The following CFAP20DC variants were observed in gnomAD, a reference collection of about 807,000 sequenced individuals.
The protein encoded by CFAP20DC is protein CFAP20DC.
In CFAP20DC, 84 loss-of-function variants were observed where a neutral mutation model predicts 101.7. The ratio of observed to expected loss-of-function variants is 0.83; its 90% CI spans 0.69 to 0.99. The LOEUF is 0.99. Among genes scored for constraint, CFAP20DC ranks in the 50% least tolerant of loss-of-function variants. The probability of loss-of-function intolerance (pLI) is 0.00; values close to 1 mark genes in which losing one functional copy is unlikely to be tolerated. For missense variants in CFAP20DC, 1,007 were observed against 970.3 expected (o/e 1.04, Z -0.50); for synonymous variants, 359 against 351.2 (o/e 1.02, Z -0.25).
In CFAP20DC at chr3:58,913,490, C is replaced by A; in HGVS notation, c.550+218G>T. The stretch of plus-strand genomic sequence containing the variant: ...GTGTTACCATAAAGAAAAAAGAAAA[C>A]AACCACAAAAAGAAGATTAATACCT... On this transcript the variant is annotated intron_variant, in intron 6 of 16. Transcript: ENST00000482387. The surrounding 1 kb of genome is among the most constrained non-coding windows in gnomAD (Gnocchi z 4.4). 1 of 607,570 alleles carries A rather than the reference C, an allele frequency of 1.6e-6. No homozygotes were observed. Among genetic ancestry groups the A allele is most frequent in the East Asian group, 2.7e-5 (1 of 36,448 alleles). 37.6% of individuals were successfully genotyped at this position (607,570 alleles called of 1,614,324 possible). A position where few individuals can be genotyped will look rare whatever the true frequency, so the allele number is the denominator to read the frequency against.
At chr3:58,929,540 T>G (rs571158355) in intron 5 of CFAP20DC, among the ~76,000 whole-genome samples, 1 of 152,352 alleles carries the variant, frequency 6.6e-6, no homozygotes, top group South Asian at 2.1e-4. Flanking sequence ...ATGGTTTAAC[T>G]TCAATAACTG....
chr3:58,788,268 G>T lies in CFAP20DC; in HGVS notation c.2237+18127C>A, dbSNP rs1437908654. On this transcript the variant is annotated intron_variant, in intron 15 of 16. Transcript: ENST00000482387. This position sits in a 1 kb window ranked among gnomAD's most constrained non-coding sequence, Gnocchi z 4.2. ...AGGGAACCACAGCATGGTTGATTTG[G>T]GGCCGTCTATTGGAGATGGATGTTT... Among the ~76,000 whole-genome samples, 1 of 151,980 alleles carries T rather than the reference G, an allele frequency of 6.6e-6. No individual in the cohort carries two copies. The highest frequency in any genetic ancestry group is 2.1e-4 in the South Asian group (1 of 4,826).
chr3:58,809,249 A>AT (rs1446977502), intron 14 of CFAP20DC, among the ~76,000 whole-genome samples: 6 of 152,054 alleles, frequency 3.9e-5, no homozygotes, highest in Middle Eastern at 3.4e-3. Flanking sequence ...CAGAATATAC[A>AT]TTTTTTTCAG....
intron 4 of CFAP20DC, among the ~76,000 whole-genome samples, chr3:59,008,985 A>G (rs537814542): frequency 3.3e-5 from 5 of 152,238 alleles, no homozygotes; most frequent in African/African-American, 4.8e-5. Flanking sequence ...GAACCCACCC[A>G]CACACCAAGA....
rs775022353 is a variant in CFAP20DC, at chr3:58,814,821, A to C, written c.2176-8365T>G. On this transcript the variant is annotated intron_variant, in intron 14 of 16. Coordinates refer to ENST00000482387, the MANE Select transcript of CFAP20DC (RefSeq NM_001394063.1). ...ACAAGGGATGTGAAGGACCTCTTCA[A>C]GGAGAACTACAAACCACTGCTCAAG... Among the ~76,000 whole-genome samples, 200 of 151,074 alleles carry C rather than the reference A, an allele frequency of 1.3e-3. 1 individual carries two copies. The highest frequency in any genetic ancestry group is 4.9e-3 in the East Asian group (25 of 5,154).
chr3:58,829,165 C>T (rs2076231450), intron 14 of CFAP20DC, among the ~76,000 whole-genome samples: 1 of 151,858 alleles, frequency 6.6e-6, no homozygotes, highest in Admixed American at 6.6e-5. Context: ...AATCCTGTCT[C>T]TACTAAAAAT....
chr3:59,007,516 G>T lies in CFAP20DC; in HGVS notation c.278+32041C>A, dbSNP rs2093465778. Among the ~76,000 whole-genome samples the T allele has an allele frequency of 1.3e-5, 2 of 152,224 alleles. No homozygotes were observed. The highest frequency in any genetic ancestry group is 6.5e-5 in the Admixed American group (1 of 15,286). ...AGCTATGGCTAACAAGAGGGCCTGA[G>T]TCTGTCCATGCGACAACTTCACTGC... On this transcript the variant is annotated intron_variant, in intron 4 of 16. Transcript: ENST00000482387. This position sits in a 1 kb window ranked among gnomAD's most constrained non-coding sequence, Gnocchi z 4.4.
rs559763224 is a variant in CFAP20DC, at chr3:58,828,936, G to C, written c.2175+2750C>G. Among the ~76,000 whole-genome samples, 208 of 152,262 alleles carry C rather than the reference G, an allele frequency of 1.4e-3. 1 individual carries two copies. The highest frequency in any genetic ancestry group is 0.014 in the Middle Eastern group (4 of 294). Reference sequence around the variant, plus strand: ...GGAGAGAGGATTCTTAGGATTTGGAGACCAGCTGGATGTGGGATAAAGAAG... The same window carrying C: ...GGAGAGAGGATTCTTAGGATTTGGACACCAGCTGGATGTGGGATAAAGAAG... On this transcript the variant is annotated intron_variant, in intron 14 of 16. Coordinates refer to ENST00000482387, the MANE Select transcript of CFAP20DC (RefSeq NM_001394063.1).
At position 58,786,319 on chromosome 3, in the gene CFAP20DC, C is replaced by CA. The variant is rs1371964170; in HGVS notation, c.2237+20075dup. Among the ~76,000 whole-genome samples the CA allele has an allele frequency of 2.0e-5, 3 of 152,100 alleles. No homozygotes were observed. The East Asian group carries it at 5.8e-4, about 29-fold the overall frequency. ...ATTCACAAGAGTGGTATCAAAAACA[C>CA]AGAGTCTCTGCTCCCATGGAGCTTA... On this transcript the variant is annotated intron_variant, in intron 15 of 16. Transcript: ENST00000482387.
At position 59,039,595 on chromosome 3, in the gene CFAP20DC, A is replaced by G. The variant is rs564043288; in HGVS notation, c.240T>C (p.Ile80=). The change falls in exon 4 of 17, where the codon ATT becomes ATC. Residue 80 remains isoleucine (I), a synonymous_variant. Transcript: ENST00000482387. ...GLIQRFLVLQ[I]YVPLGQDFST... The stretch of plus-strand genomic sequence containing the variant: ...AGAAGTCTTGTCCCAGGGGTACGTA[A>G]ATCTGAAGTACAAGAAACCTCTGGA... 64 of 1,528,102 alleles carry G rather than the reference A, an allele frequency of 4.2e-5. No individual in the cohort carries two copies. In the African/African-American group the frequency reaches 7.8e-4, roughly 19 times the overall value. 94.7% of individuals were successfully genotyped at this position (1,528,102 alleles called of 1,614,324 possible).
In CFAP20DC at chr3:58,864,647, G is replaced by C. The variant is rs1235147162; in HGVS notation, c.1259-755C>G. On this transcript the variant is annotated intron_variant, in intron 11 of 16. Transcript: ENST00000482387. This position sits in a 1 kb window ranked among gnomAD's most constrained non-coding sequence, Gnocchi z 4.7. ...TAAAAAAATATCTGGTCTTAATTCAGATTACAAATCATGGAGGAGAGGAAG... is the reference window on the plus strand; with the variant it reads ...TAAAAAAATATCTGGTCTTAATTCACATTACAAATCATGGAGGAGAGGAAG... Among the ~76,000 whole-genome samples the C allele has an allele frequency of 6.6e-6, 1 of 152,154 alleles. No individual in the cohort carries two copies. The highest frequency in any genetic ancestry group is 2.4e-5 in the African/African-American group (1 of 41,434).
At chr3:58,911,337 C>A (rs1456291795) in intron 6 of CFAP20DC, among the ~76,000 whole-genome samples, 1 of 151,980 alleles carries the variant, frequency 6.6e-6, no homozygotes, top group Admixed American at 6.6e-5. Context: ...ATGTTTAGTA[C>A]AAGAATGCAT....
rs202187076 is a variant in CFAP20DC, at chr3:58,867,986, G to T, written c.1016-50C>A. On this transcript the variant is annotated intron_variant, in intron 9 of 16. Coordinates refer to ENST00000482387, the MANE Select transcript of CFAP20DC (RefSeq NM_001394063.1). ...AAGCCAGAACAGAAAGTGCTATATG[G>T]CTTGAAGTAACTCAGTAAATATAAT... 1.4e-3 allele frequency: 2,193 copies of T among 1,520,716 alleles called. 7 individuals carry two copies. The highest frequency in any genetic ancestry group is 1.8e-3 in the Non-Finnish European group (2,082 of 1,137,438). 94.2% of individuals were successfully genotyped at this position (1,520,716 alleles called of 1,614,324 possible).
intron 4 of CFAP20DC, among the ~76,000 whole-genome samples, chr3:59,005,249 T>C (rs1483639311): frequency 6.6e-6 from 1 of 152,138 alleles, no homozygotes; most frequent in Non-Finnish European, 1.5e-5. Flanking sequence ...AATGAAAACA[T>C]GTGGAGCAGA....
chr3:58,979,612 T>A (rs781303027), intron 4 of CFAP20DC, among the ~76,000 whole-genome samples: 1 of 152,188 alleles, frequency 6.6e-6, no homozygotes, highest in Non-Finnish European at 1.5e-5. Context: ...GTCTGGTATC[T>A]AAAGTATATT....
In CFAP20DC at chr3:58,849,239, C is replaced by T. The variant is rs560885820; in HGVS notation, c.1764G>A (p.Glu588=). Residue 588 remains glutamate, a synonymous_variant, in exon 13 of 17, where the codon GAG becomes GAA. Transcript: ENST00000482387. The part of the protein sequence containing the change: ...GATESQDSSM[E]QIDRNNFEMS... ...TTTCAAAGTTATTTCTATCTATTTG[C>T]TCCATCGAGGAATCCTGGCTTTCTG... is the stretch of plus-strand genomic sequence containing the variant. The T allele has an allele frequency of 1.5e-5, 23 of 1,536,068 alleles. No individual in the cohort carries two copies. The African/African-American group carries it at 1.8e-4, about 12-fold the overall frequency.
chr3:58,855,700 T>C (rs2078720343), intron 12 of CFAP20DC, among the ~76,000 whole-genome samples: 2 of 151,378 alleles, frequency 1.3e-5, no homozygotes. Context: ...ATGGATGAAA[T>C]TGGAAATCAT....
intron 4 of CFAP20DC, among the ~76,000 whole-genome samples, chr3:59,034,340 T>C (rs1014443810): frequency 6.6e-6 from 1 of 152,120 alleles, no homozygotes; most frequent in African/African-American, 2.4e-5. Flanking sequence ...AATTCACACA[T>C]AACAATATTA....
intron 15 of CFAP20DC, among the ~76,000 whole-genome samples, chr3:58,796,984 A>T (rs1575664555): frequency 6.6e-6 from 1 of 152,160 alleles, no homozygotes; most frequent in Non-Finnish European, 1.5e-5. Context: ...TTGTATTCTG[A>T]CTAATTCCAC....
Sources: allele counts gnomAD v4.1 joint callset (sites outside exome capture counted in the v4.1 genomes callset), GRCh38; gene constraint gnomAD v4.1.1; non-coding constraint Gnocchi (gnomAD v3.1); transcripts MANE v1.5; gene names NCBI Gene and HGNC (gene_info 2026-07-23, HGNC 2026-07-21).